Variants in SLC13A2 observed in about 807,000 individuals in gnomAD.
The protein encoded by SLC13A2 is Na(+)-coupled citrate transporter.
Under a neutral mutation model 58.5 loss-of-function variants are expected in SLC13A2, and 40 were observed. That is an observed-to-expected ratio of 0.68 (90% CI 0.53 to 0.89). SLC13A2 has a LOEUF of 0.89. SLC13A2 is among the 40% of genes least tolerant of loss of function. SLC13A2 has a pLI of 0.00. For synonymous variants in SLC13A2, 341 were observed against 331.6 expected (o/e 1.03, Z -0.31); for missense variants, 694 against 772.6 (o/e 0.90, Z 1.21).
Position 28,494,324 on chromosome 17 carries a change from C to T in SLC13A2, c.1187-67C>T. On this transcript the variant is annotated intron_variant, in intron 8 of 11. Coordinates refer to ENST00000314669, the MANE Select transcript of SLC13A2 (RefSeq NM_003984.4). This position sits in a 1 kb window ranked among gnomAD's most constrained non-coding sequence, Gnocchi z 4.0. ...TCCAAAAGGGACCCACACAGGGAGCCCGCAAATGGAGAGGGGAAAGGCCTG... is the reference window on the plus strand; with the variant it reads ...TCCAAAAGGGACCCACACAGGGAGCTCGCAAATGGAGAGGGGAAAGGCCTG... 1 of 1,613,782 alleles carries T rather than the reference C, an allele frequency of 6.2e-7. No individual in the cohort carries two copies. Among genetic ancestry groups the T allele is most frequent in the Non-Finnish European group, 8.5e-7 (1 of 1,179,916 alleles).
intron 1 of SLC13A2, among the ~76,000 whole-genome samples, chr17:28,474,586 T>C (rs1555599578): frequency 6.6e-6 from 1 of 152,164 alleles, no homozygotes; most frequent in African/African-American, 2.4e-5. Flanking sequence ...TTAAGTCACT[T>C]AGTCAAAGTC....
chr17:28,491,821 T>C lies in SLC13A2; in HGVS notation c.847T>C (p.Leu283=), dbSNP rs1555603576. 2 of 1,614,018 alleles carry C rather than the reference T, an allele frequency of 1.2e-6. No homozygotes were observed. Among genetic ancestry groups the C allele is most frequent in the Admixed American group, 1.7e-5 (1 of 60,000 alleles). The change falls in exon 6 of 12, where the codon TTG becomes CTG. Residue 283 remains leucine (L), a synonymous_variant. Transcript: ENST00000314669. The stretch of plus-strand genomic sequence containing the variant: ...GGTCATCTTGCTGCTGCTGGCCTGG[T>C]TGTGGCTGCAGATCCTCTTCCTGGG... ...TMVILLLLAW[L]WLQILFLGFN...
chr17:28,479,136 C>T (rs1346259189), intron 1 of SLC13A2, among the ~76,000 whole-genome samples: 1 of 152,140 alleles, frequency 6.6e-6, no homozygotes, highest in African/African-American at 2.4e-5. Context: ...ATCACTTGAG[C>T]CCAGGAGGTT....
rs781940538 is a variant in SLC13A2 at position 28,497,099 on chromosome 17, G to A, written c.1609G>A (p.Ala537Thr). The A allele has an allele frequency of 1.2e-6, 2 of 1,613,744 alleles. No homozygotes were observed. Among genetic ancestry groups the A allele is most frequent in the East Asian group, 2.2e-5 (1 of 44,876 alleles). Reference protein sequence around the residue: ...SFGDLKVLDMARAGFLLNIIG... With the variant: ...SFGDLKVLDMTRAGFLLNIIG... Reference sequence around the variant, plus strand: ...GCCAAATGGACTCTCCTCACACCAGGCCCGGGCAGGATTCCTCCTCAACAT... The same window carrying A: ...GCCAAATGGACTCTCCTCACACCAGACCCGGGCAGGATTCCTCCTCAACAT... Residue 537 changes from alanine (A) to threonine (T), a missense_variant and splice_region_variant, in exon 12 of 12, where the codon GCC becomes ACC. By Grantham distance (58) the Ala-to-Thr change is moderately conservative (BLOSUM62 0). Coordinates refer to ENST00000314669, the MANE Select transcript of SLC13A2 (RefSeq NM_003984.4).
rs2069106071 is a variant in SLC13A2, at chr17:28,494,683, TGG to T, written c.1308+173_1308+174del. Among the ~76,000 whole-genome samples, 1 of 152,020 alleles carries T rather than the reference TGG, an allele frequency of 6.6e-6. No homozygotes were observed. The highest frequency in any genetic ancestry group is 1.5e-5 in the Non-Finnish European group (1 of 67,968). ...GAAGACTTAGGTTAGAGCCCTCATGTGGGAGGAAGAAACACAAGCCCTAGGGA... is the reference window on the plus strand; with the variant it reads ...GAAGACTTAGGTTAGAGCCCTCATGTGAGGAAGAAACACAAGCCCTAGGGA... On this transcript the variant is annotated intron_variant, in intron 9 of 11. Transcript: ENST00000314669. This position sits in a 1 kb window ranked among gnomAD's most constrained non-coding sequence, Gnocchi z 4.0.
At chr17:28,488,254 G>A (rs564615195) in intron 1 of SLC13A2, among the ~76,000 whole-genome samples, 1 of 152,336 alleles carries the variant, frequency 6.6e-6, no homozygotes, top group Non-Finnish European at 1.5e-5. Flanking sequence ...GAGGTGGAGA[G>A]GACAAGGACA....
Position 28,495,531 on chromosome 17 carries a change from A to G in SLC13A2, c.1309-124A>G, listed in dbSNP as rs1354531194. ...TAGCTGGGTCCTATCATCCCTTTAG[A>G]GCTGTCTTTGACTCTGAATACCAGG... On this transcript the variant is annotated intron_variant, in intron 9 of 11. Transcript: ENST00000314669. 5 of 946,618 alleles carry G rather than the reference A, an allele frequency of 5.3e-6. No homozygotes were observed. The East Asian group carries it at 1.2e-4, about 23-fold the overall frequency. 58.6% of individuals were successfully genotyped at this position (946,618 alleles called of 1,614,324 possible).
intron 1 of SLC13A2, among the ~76,000 whole-genome samples, chr17:28,474,206 A>G (rs2068633470): frequency 6.6e-6 from 1 of 152,130 alleles, no homozygotes; most frequent in Non-Finnish European, 1.5e-5. Flanking sequence ...AAGCAGCAGC[A>G]GAGTGAAGAG....
intron 1 of SLC13A2, among the ~76,000 whole-genome samples, chr17:28,477,476 G>C (rs897559195): frequency 5.3e-5 from 8 of 151,808 alleles, no homozygotes; most frequent in East Asian, 2.0e-4. Flanking sequence ...TTACAGGCGT[G>C]AGCCACCATG....
intron 1 of SLC13A2, among the ~76,000 whole-genome samples, chr17:28,482,812 G>C (rs1463799117): frequency 6.6e-6 from 1 of 152,168 alleles, no homozygotes; most frequent in Non-Finnish European, 1.5e-5. Flanking sequence ...ACCCGCTCAA[G>C]GTTCCCTCTC....
chr17:28,480,342 T>A (rs1189696766), intron 1 of SLC13A2, among the ~76,000 whole-genome samples: 3 of 151,806 alleles, frequency 2.0e-5, no homozygotes, highest in Non-Finnish European at 2.9e-5. Flanking sequence ...AAAAAAAAAA[T>A]CTGTGTAGTT....
chr17:28,473,942 C>T (rs559992728), intron 1 of SLC13A2, 128 bp downstream of exon 1: 36 of 752,674 alleles, frequency 4.8e-5, no homozygotes, highest in Non-Finnish European at 5.7e-5. Context: ...GTGAGGCTAT[C>T]GCCCCCTGCT....
intron 5 of SLC13A2, 38 bp from the exon 6 acceptor site, chr17:28,491,692 G>A (rs782219126): frequency 1.1e-5 from 18 of 1,610,950 alleles, no homozygotes; most frequent in African/African-American, 2.7e-5. Flanking sequence ...GGCAGTTCTC[G>A]GGGCAATGTC....
intron 1 of SLC13A2, among the ~76,000 whole-genome samples, chr17:28,488,711 A>G (rs781817489): frequency 6.6e-6 from 1 of 152,204 alleles, no homozygotes; most frequent in Non-Finnish European, 1.5e-5. Context: ...CAGGATTGCT[A>G]GAAAGGATGC....
At chr17:28,483,474 A>T (rs2068822354) in intron 1 of SLC13A2, among the ~76,000 whole-genome samples, 1 of 152,102 alleles carries the variant, frequency 6.6e-6, no homozygotes. Flanking sequence ...ACAAAAAAAA[A>T]AAAATTGTTT....
At chr17:28,493,064 G>A (rs868943986) in intron 6 of SLC13A2, among the ~76,000 whole-genome samples, 1 of 152,226 alleles carries the variant, frequency 6.6e-6, no homozygotes, top group Non-Finnish European at 1.5e-5. Flanking sequence ...GTCCAGCAGG[G>A]AGGTTGAGAT....
At chr17:28,480,868 C>T (rs1173297430) in intron 1 of SLC13A2, among the ~76,000 whole-genome samples, 1 of 152,128 alleles carries the variant, frequency 6.6e-6, no homozygotes. Context: ...AATGTCTGGT[C>T]ACCCACCAGA....
chr17:28,480,030 T>C (rs1473647128), intron 1 of SLC13A2, among the ~76,000 whole-genome samples: 1 of 152,070 alleles, frequency 6.6e-6, no homozygotes, highest in African/African-American at 2.4e-5. Context: ...GGCACATGCC[T>C]GTAATCCCAG....
rs2069137155 is a variant in SLC13A2, at chr17:28,496,066, C to T, written c.1470+250C>T. 6.6e-6 allele frequency among the ~76,000 whole-genome samples: 1 copy of T among 151,244 alleles called. No homozygotes were observed. The highest frequency in any genetic ancestry group is 1.9e-4 in the East Asian group (1 of 5,172). Reference sequence around the variant, plus strand: ...CCTGATGGGGATCCTGGTGGCCTCACCCACCTCCCCACCCCAGTCCCTGTT... The same window carrying T: ...CCTGATGGGGATCCTGGTGGCCTCATCCACCTCCCCACCCCAGTCCCTGTT... On this transcript the variant is annotated intron_variant, in intron 10 of 11. Transcript: ENST00000314669. The surrounding 1 kb of genome is among the most constrained non-coding windows in gnomAD (Gnocchi z 4.2).
Sources: allele counts gnomAD v4.1 joint callset (sites outside exome capture counted in the v4.1 genomes callset), GRCh38; gene constraint gnomAD v4.1.1; non-coding constraint Gnocchi (gnomAD v3.1); transcripts MANE v1.5; gene names NCBI Gene and HGNC (gene_info 2026-07-23, HGNC 2026-07-21).